Variants in STK38L observed in about 807,000 individuals in gnomAD.
STK38L encodes the protein serine/threonine kinase 38 like.
A neutral mutation model predicts 59.7 loss-of-function variants in STK38L; 28 were observed. The ratio of observed to expected loss-of-function variants is 0.47; its 90% CI spans 0.35 to 0.64. The LOEUF (loss-of-function observed/expected upper bound fraction) is 0.64, where lower values mean the gene tolerates loss of function less well. Among genes scored for constraint, STK38L ranks in the 30% least tolerant of loss-of-function variants. The pLI, the probability that STK38L is intolerant of heterozygous loss-of-function variation, is 0.01. For synonymous variants in STK38L, 162 were observed against 176.8 expected, an observed-to-expected ratio of 0.92 and a Z score of 0.66; for missense variants, 314 against 555.8, an observed-to-expected ratio of 0.56 and a Z score of 4.37.
chr12:27,267,301 G>A (rs1254465570), intron 1 of STK38L, among the ~76,000 whole-genome samples: 1 of 152,132 alleles, frequency 6.6e-6, no homozygotes. Flanking sequence ...GCAGAACTTG[G>A]CCGGGCATGG....
intron 12 of STK38L, among the ~76,000 whole-genome samples, chr12:27,320,544 G>A (rs1449858079): frequency 1.4e-5 from 2 of 144,338 alleles, no homozygotes; most frequent in Admixed American, 7.5e-5. Flanking sequence ...CACCTGCCTC[G>A]GCCTCCCAAA....
intron 1 of STK38L, chr12:27,293,845 G>A (rs902214405): frequency 7.2e-4 from 110 of 152,140 alleles, no homozygotes; most frequent in African/African-American, 2.5e-3. Flanking sequence ...GAATATATAA[G>A]GCCTTGGACA....
intron 1 of STK38L, among the ~76,000 whole-genome samples, chr12:27,276,170 C>T (rs1226361803): frequency 6.6e-6 from 1 of 152,038 alleles, no homozygotes; most frequent in Non-Finnish European, 1.5e-5. Flanking sequence ...TGCACATCAC[C>T]AACTTAAACA....
chr12:27,321,309 T>C (rs559733367), intron 12 of STK38L, among the ~76,000 whole-genome samples: 9 of 152,352 alleles, frequency 5.9e-5, no homozygotes, highest in African/African-American at 9.6e-5. Context: ...AGCTAAACTT[T>C]TTAGCATGAT....
intron 3 of STK38L, among the ~76,000 whole-genome samples, chr12:27,304,049 C>T (rs1944245708): frequency 6.6e-6 from 1 of 152,100 alleles, no homozygotes; most frequent in African/African-American, 2.4e-5. Context: ...ATCACTTGAG[C>T]CCAGGAGTTC....
chr12:27,259,608 T>TA (rs972629302), intron 1 of STK38L, among the ~76,000 whole-genome samples: 4 of 152,202 alleles, frequency 2.6e-5, no homozygotes, highest in Non-Finnish European at 4.4e-5. Flanking sequence ...GTAGAATTTT[T>TA]AAAAAGCAAA....
At position 27,323,869 on chromosome 12, in the gene STK38L, T is replaced by C. The variant is rs1031829898; in HGVS notation, c.*1414T>C. 2 of 152,114 alleles carry C rather than the reference T, an allele frequency of 1.3e-5. No individual in the cohort carries two copies. The highest frequency in any genetic ancestry group is 1.9e-4 in the East Asian group (1 of 5,206). The allele number at this position is 152,114 out of a possible 1,614,324, so 9.4% of individuals were successfully genotyped here. On this transcript the variant is annotated 3_prime_UTR_variant, in exon 14 of 14. Coordinates refer to ENST00000389032, the MANE Select transcript of STK38L (RefSeq NM_015000.4). ...GAGGTTTTGGTTTCATTAGTAATAG[T>C]TGAGGAATAATATACTAGCAAAGAA...
chr12:27,271,014 G>A (rs1027102918), intron 1 of STK38L, among the ~76,000 whole-genome samples: 8 of 152,158 alleles, frequency 5.3e-5, no homozygotes, highest in Admixed American at 5.2e-4. Flanking sequence ...GATGATAGCA[G>A]TGATAATGAT....
chr12:27,278,411 A>G (rs527580350), intron 1 of STK38L, among the ~76,000 whole-genome samples: 2 of 152,224 alleles, frequency 1.3e-5, no homozygotes, highest in Admixed American at 1.3e-4. Flanking sequence ...CTAATTGTTT[A>G]TATGCTAATT....
chr12:27,275,386 C>T (rs1468719653), intron 1 of STK38L, among the ~76,000 whole-genome samples: 1 of 150,032 alleles, frequency 6.7e-6, no homozygotes, highest in African/African-American at 2.5e-5. Flanking sequence ...TCTTGTTGCC[C>T]AGGCTGGAGT....
intron 1 of STK38L, among the ~76,000 whole-genome samples, chr12:27,247,202 A>G (rs1942873080): frequency 6.6e-6 from 1 of 152,210 alleles, no homozygotes; most frequent in Non-Finnish European, 1.5e-5. Context: ...CAACAACTGT[A>G]TGGAGTAGGT....
chr12:27,302,408 T>A, intron 3 of STK38L: 1 of 353,560 alleles, frequency 2.8e-6, no homozygotes, highest in East Asian at 4.7e-5. Flanking sequence ...CATTGCCAAG[T>A]GTATTTTAGG....
chr12:27,305,471 A>G (rs1483462340), intron 3 of STK38L, among the ~76,000 whole-genome samples: 13 of 152,348 alleles, frequency 8.5e-5, no homozygotes, highest in African/African-American at 3.1e-4. Flanking sequence ...GCTCCATGCT[A>G]GAGCCTGGAT....
chr12:27,315,014 G>T lies in STK38L; in HGVS notation c.673-1G>T. Reference sequence around the variant, plus strand: ...TCTAATTTTACTGGATTTTTTTTTAGGGTCATGTAAAATTATCTGATTTTG... The same window carrying T: ...TCTAATTTTACTGGATTTTTTTTTATGGTCATGTAAAATTATCTGATTTTG... On this transcript the variant is annotated splice_acceptor_variant, in intron 7 of 13. Transcript: ENST00000389032. LOFTEE classifies it high-confidence loss of function. 1 of 1,592,024 alleles carries T rather than the reference G, an allele frequency of 6.3e-7. No homozygotes were observed. Among genetic ancestry groups the T allele is most frequent in the Middle Eastern group, 1.7e-4 (1 of 5,958 alleles).
At chr12:27,303,585 C>A (rs1338573912) in intron 3 of STK38L, among the ~76,000 whole-genome samples, 1 of 152,038 alleles carries the variant, frequency 6.6e-6, no homozygotes, top group Non-Finnish European at 1.5e-5. Context: ...ATGGCTTTTG[C>A]CCTCAAGGAG....
intron 1 of STK38L, among the ~76,000 whole-genome samples, chr12:27,284,840 C>G (rs1214076914): frequency 6.6e-6 from 1 of 152,148 alleles, no homozygotes; most frequent in Non-Finnish European, 1.5e-5. Context: ...TCCTTCCTGC[C>G]TCAAAGTTTT....
intron 3 of STK38L, among the ~76,000 whole-genome samples, chr12:27,305,009 T>G (rs2136642870): frequency 6.6e-6 from 1 of 152,356 alleles, no homozygotes. Flanking sequence ...CTTTTCACAT[T>G]GCTGTAATAA....
At chr12:27,305,976 C>G (rs1944301158) in intron 3 of STK38L, among the ~76,000 whole-genome samples, 1 of 152,020 alleles carries the variant, frequency 6.6e-6, no homozygotes, top group South Asian at 2.1e-4. Flanking sequence ...GGCTTTTTCA[C>G]CAATTTTTTT....
chr12:27,318,888 G>T (rs1382115749), intron 11 of STK38L, among the ~76,000 whole-genome samples: 2 of 152,192 alleles, frequency 1.3e-5, no homozygotes, highest in African/African-American at 4.8e-5. Flanking sequence ...CTACTTGGGA[G>T]GCTGAGGCAG....
Sources: gnomAD v4.1 joint callset for allele counts (sites outside exome capture counted in the v4.1 genomes callset) on GRCh38, gnomAD v4.1.1 for gene constraint, MANE v1.5 for transcripts, NCBI Gene and HGNC (gene_info 2026-07-23, HGNC 2026-07-21) for gene names.